The following TDRD12 variants were observed in gnomAD, a reference collection of about 807,000 sequenced individuals.
The protein encoded by TDRD12 is tudor domain containing 12.
A neutral mutation model predicts 133.5 loss-of-function variants in TDRD12; 158 were observed. That is an observed-to-expected ratio of 1.18 (90% CI 1.04 to 1.35). TDRD12 has a LOEUF of 1.35. TDRD12 is among the 40% of genes most tolerant of loss of function. The pLI is 0.00. For missense variants in TDRD12, 1,443 were observed against 1,321.3 expected, an observed-to-expected ratio of 1.09 and a Z score of -1.43; for synonymous variants, 460 against 477.9, an observed-to-expected ratio of 0.96 and a Z score of 0.49.
intron 14 of TDRD12, among the ~76,000 whole-genome samples, chr19:32,797,226 C>G (rs566577691): frequency 2.4e-4 from 36 of 152,258 alleles, no homozygotes; most frequent in African/African-American, 7.9e-4. Context: ...GGTGATCCAC[C>G]TGACTCAGCC....
At position 32,805,275 on chromosome 19, in the gene TDRD12, C is replaced by G. The variant is rs536789814; in HGVS notation, c.2552+2133C>G. On this transcript the variant is annotated intron_variant, in intron 21 of 27. Transcript: ENST00000444215. ...GCACATGTCTGTAGTCCCAGCTACTCAGGAGCCTTGGGTAGGGGGATCGCT... is the reference window on the plus strand; with the variant it reads ...GCACATGTCTGTAGTCCCAGCTACTGAGGAGCCTTGGGTAGGGGGATCGCT... Among the ~76,000 whole-genome samples, 55 of 149,536 alleles carry G rather than the reference C, an allele frequency of 3.7e-4. 2 individuals carry two copies. The South Asian group carries it at 9.1e-3, about 25-fold the overall frequency.
chr19:32,798,438 G>T lies in TDRD12; in HGVS notation c.1758+3G>T. On this transcript the variant is annotated splice_donor_region_variant and intron_variant, in intron 16 of 27. Transcript: ENST00000444215. Reference sequence around the variant, plus strand: ...TATTCTTGGAAGCCAATGAACAGGTGAGCGTGGCTTAAGGTCCTCAGCACT... The same window carrying T: ...TATTCTTGGAAGCCAATGAACAGGTTAGCGTGGCTTAAGGTCCTCAGCACT... The T allele has an allele frequency of 1.3e-6, 2 of 1,531,666 alleles. No individual in the cohort carries two copies. The highest frequency in any genetic ancestry group is 2.4e-5 in the South Asian group (2 of 83,912). The allele number at this position is 1,531,666 out of a possible 1,614,324, so 94.9% of individuals were successfully genotyped here. A position where few individuals can be genotyped will look rare whatever the true frequency, so the allele number is the denominator to read the frequency against.
intron 25 of TDRD12, 57 bp downstream of exon 25, chr19:32,813,833 C>T (rs1261739449): frequency 5.0e-6 from 5 of 1,008,432 alleles, no homozygotes; most frequent in Non-Finnish European, 7.4e-6. Context: ...CTAAAATTAT[C>T]CAGATTATTC....
Position 32,786,949 on chromosome 19 carries a change from A to G in TDRD12, c.1122-3582A>G, listed in dbSNP as rs185358740. 8.1e-4 allele frequency among the ~76,000 whole-genome samples: 124 copies of G among 152,288 alleles called. 1 individual carries two copies. The highest frequency in any genetic ancestry group is 1.5e-3 in the Admixed American group (23 of 15,296). ...TGTCAACTCATCAAACTCATTCTCC[A>G]TCCAGTTTTGTTCTGTTGCTGGCGA... On this transcript the variant is annotated intron_variant, in intron 11 of 27. Transcript: ENST00000444215.
At position 32,731,949 on chromosome 19, in the gene TDRD12, G is replaced by C. The variant is rs1042380054; in HGVS notation, c.183+66G>C. The C allele has an allele frequency of 3.5e-6, 5 of 1,408,892 alleles. No homozygotes were observed. In the African/African-American group the frequency reaches 7.4e-5, roughly 21 times the overall value. The allele number at this position is 1,408,892 out of a possible 1,614,324, so 87.3% of individuals were successfully genotyped here. ...ACCACTCAAAATATAAACTATTTTG[G>C]CAACGATGATGATTCAAGCTTTTAG... On this transcript the variant is annotated intron_variant, in intron 2 of 27. Coordinates refer to ENST00000444215, the Ensembl canonical transcript of TDRD12.
chr19:32,768,848 C>T, intron 8 of TDRD12, among the ~76,000 whole-genome samples: 1 of 152,102 alleles, frequency 6.6e-6, no homozygotes, highest in Non-Finnish European at 1.5e-5. Context: ...TTCCTTTTGG[C>T]AATTCGTCTG....
At chr19:32,811,121 T>G in intron 23 of TDRD12, 89 bp from the exon 24 acceptor site, 1 of 1,070,554 alleles carries the variant, frequency 9.3e-7, no homozygotes, top group Non-Finnish European at 1.3e-6. Context: ...TTGGAGTCTT[T>G]TTATATGTTT....
chr19:32,763,456 C>A (rs532491205), intron 8 of TDRD12, among the ~76,000 whole-genome samples: 4 of 152,250 alleles, frequency 2.6e-5, no homozygotes, highest in African/African-American at 7.2e-5. Flanking sequence ...TTTCCTCCCC[C>A]ACCAGAAGGT....
chr19:32,827,292 G>A (rs1208083552), exon 10 of TDRD12: 2 of 1,179,540 alleles, frequency 1.7e-6, no homozygotes, highest in African/African-American at 1.6e-5. Context: ...GCTGGAAGAT[G>A]TTGAACAAAA....
intron 7 of TDRD12, 61 bp downstream of exon 7, chr19:32,756,242 T>G: frequency 2.3e-6 from 3 of 1,318,794 alleles, no homozygotes; most frequent in Non-Finnish European, 2.9e-6. Context: ...TCTTAGTGTA[T>G]AGATATAAGT....
intron 11 of TDRD12, among the ~76,000 whole-genome samples, chr19:32,782,871 T>C (rs1970808824): frequency 6.6e-6 from 1 of 152,222 alleles, no homozygotes; most frequent in Non-Finnish European, 1.5e-5. Flanking sequence ...ATATTAGCCC[T>C]TTGCCAGATG....
intron 12 of TDRD12, 143 bp downstream of exon 12, chr19:32,790,734 A>G (rs1971045979): frequency 6.5e-7 from 1 of 1,539,676 alleles, no homozygotes; most frequent in Non-Finnish European, 8.8e-7. Flanking sequence ...ATCCTTTTAG[A>G]AACGATCGAA....
At chr19:32,804,832 G>C (rs1448882722) in intron 21 of TDRD12, among the ~76,000 whole-genome samples, 1 of 151,980 alleles carries the variant, frequency 6.6e-6, no homozygotes, top group Admixed American at 6.6e-5. Context: ...CTCCAGACGG[G>C]GTGACAGAGT....
At chr19:32,794,146 C>A (rs1971154284) in intron 13 of TDRD12, among the ~76,000 whole-genome samples, 1 of 121,630 alleles carries the variant, frequency 8.2e-6, no homozygotes, top group South Asian at 2.8e-4. Flanking sequence ...CGCTCTGTCA[C>A]CCAGGCTGGA....
chr19:32,726,793 C>G lies in TDRD12; in HGVS notation c.25-4932C>G, dbSNP rs560056610. On this transcript the variant is annotated intron_variant, in intron 1 of 27. Coordinates refer to ENST00000444215, the Ensembl canonical transcript of TDRD12. The stretch of plus-strand genomic sequence containing the variant: ...AAAAGAATTTCCTTCCTTGTTCAGA[C>G]TGAATAATAGTCCATTCTGTACCAC... Among the ~76,000 whole-genome samples, 313 of 152,192 alleles carry G rather than the reference C, an allele frequency of 2.1e-3. 2 individuals carry two copies. The highest frequency in any genetic ancestry group is 7.3e-3 in the African/African-American group (303 of 41,542).
chr19:32,811,579 C>T (rs544598156), intron 24 of TDRD12, among the ~76,000 whole-genome samples, 159 bp downstream of exon 24: 1 of 152,262 alleles, frequency 6.6e-6, no homozygotes, highest in African/African-American at 2.4e-5. Flanking sequence ...CCCAGCTGAA[C>T]CCTCGGAGAG....
intron 13 of TDRD12, among the ~76,000 whole-genome samples, chr19:32,792,884 A>G (rs1005933122): frequency 1.3e-5 from 2 of 152,190 alleles, no homozygotes; most frequent in African/African-American, 4.8e-5. Context: ...CCAAATGAGC[A>G]TTGATGTCAA....
chr19:32,820,183 C>T (rs1967329909), intron 27 of TDRD12, among the ~76,000 whole-genome samples: 1 of 152,110 alleles, frequency 6.6e-6, no homozygotes, highest in African/African-American at 2.4e-5. Context: ...TTCTTCTGGG[C>T]CCCTCAGAAG....
intron 21 of TDRD12, among the ~76,000 whole-genome samples, chr19:32,805,629 C>G (rs997777910): frequency 5.3e-5 from 8 of 151,696 alleles, no homozygotes; most frequent in African/African-American, 1.9e-4. Context: ...TATAGCACGT[C>G]TTAGGAGCTG....
Sources: gnomAD v4.1 joint callset for allele counts (sites outside exome capture counted in the v4.1 genomes callset) on GRCh38, gnomAD v4.1.1 for gene constraint, MANE v1.5 for transcripts, NCBI Gene and HGNC (gene_info 2026-07-23, HGNC 2026-07-21) for gene names.